Variants in ANKFN1 observed in about 807,000 individuals in gnomAD.
ANKFN1 encodes ankyrin repeat and fibronectin type III domain containing 1.
ANKFN1 carries 74 observed loss-of-function variants against 108.7 expected under a neutral mutation model. That is an observed-to-expected ratio of 0.68 (90% CI 0.56 to 0.83). The LOEUF is 0.83. Among genes scored for constraint, ANKFN1 ranks in the 40% least tolerant of loss-of-function variants. ANKFN1 has a pLI of 0.00. For missense variants in ANKFN1, 1,505 were observed against 1,382.3 expected (o/e 1.09, Z -1.41); for synonymous variants, 547 against 516.2 (o/e 1.06, Z -0.81).
chr17:56,115,944 T>G (rs2143272940), intron 4 of ANKFN1, among the ~76,000 whole-genome samples: 1 of 152,256 alleles, frequency 6.6e-6, no homozygotes, highest in Admixed American at 6.5e-5. Context: ...GCTATCCTAT[T>G]ACATTTTAGA....
chr17:56,059,061 A>G (rs1904927852), intron 4 of ANKFN1, among the ~76,000 whole-genome samples: 1 of 152,158 alleles, frequency 6.6e-6, no homozygotes, highest in African/African-American at 2.4e-5. Context: ...ACAGTGTAAC[A>G]GGGTTCCTAT....
intron 2 of ANKFN1, among the ~76,000 whole-genome samples, chr17:56,215,057 C>T (rs1315122912): frequency 1.3e-5 from 2 of 152,190 alleles, no homozygotes; most frequent in Admixed American, 6.5e-5. Flanking sequence ...TGAAGATTTC[C>T]TGCATGATGC....
intron 8 of ANKFN1, among the ~76,000 whole-genome samples, chr17:56,416,980 T>G (rs2048258502): frequency 1.3e-5 from 2 of 152,094 alleles, no homozygotes; most frequent in South Asian, 4.1e-4. Context: ...TCACATGTTC[T>G]GACTTATTTG....
Position 56,204,495 on chromosome 17 carries a change from C to T in ANKFN1, c.-70-8103C>T, listed in dbSNP as rs540305546. On this transcript the variant is annotated intron_variant, in intron 1 of 20. Transcript: ENST00000682825. ...AGCCGGGATTACAGGCGCCCACTACCACGCCCAGCTAATTTTTGTGTTTTT... is the reference window on the plus strand; with the variant it reads ...AGCCGGGATTACAGGCGCCCACTACTACGCCCAGCTAATTTTTGTGTTTTT... 2.0e-5 allele frequency among the ~76,000 whole-genome samples: 3 copies of T among 151,920 alleles called. No homozygotes were observed. The East Asian group carries it at 5.9e-4, about 30-fold the overall frequency.
chr17:56,256,851 T>A (rs1292856508), intron 3 of ANKFN1, among the ~76,000 whole-genome samples: 1 of 152,204 alleles, frequency 6.6e-6, no homozygotes, highest in Non-Finnish European at 1.5e-5. Context: ...TACCAAATAC[T>A]ACTATCCCCT....
chr17:56,085,527 T>A (rs1220884869), intron 4 of ANKFN1, among the ~76,000 whole-genome samples: 1 of 151,086 alleles, frequency 6.6e-6, no homozygotes, highest in Admixed American at 6.6e-5. Context: ...GACTTCTGGG[T>A]TCCAGAACTG....
chr17:56,315,294 A>T (rs560092477), intron 3 of ANKFN1, among the ~76,000 whole-genome samples: 1 of 152,326 alleles, frequency 6.6e-6, no homozygotes, highest in South Asian at 2.1e-4. Flanking sequence ...TGCAAATGTC[A>T]CAGAAAACTC....
At chr17:56,126,368 T>G (rs753572858) in intron 4 of ANKFN1, among the ~76,000 whole-genome samples, 4 of 152,182 alleles carry the variant, frequency 2.6e-5, no homozygotes, top group Non-Finnish European at 5.9e-5. Flanking sequence ...GAAGGCATGC[T>G]GTCTGCAAAG....
chr17:56,467,828 AAG>A (rs2050173008), intron 15 of ANKFN1, among the ~76,000 whole-genome samples: 2 of 46,572 alleles, frequency 4.3e-5, no homozygotes, highest in African/African-American at 1.2e-4. Context: ...GAAAGAAAGA[AAG>A]AAAGAAAGAA....
At chr17:56,432,468 C>G (rs1236136115) in intron 8 of ANKFN1, among the ~76,000 whole-genome samples, 1 of 152,142 alleles carries the variant, frequency 6.6e-6, no homozygotes, top group Non-Finnish European at 1.5e-5. Flanking sequence ...CATGGTTAGT[C>G]CTGTTCAGGC....
chr17:56,287,377 A>G (rs1021698372), intron 3 of ANKFN1, among the ~76,000 whole-genome samples: 1 of 152,094 alleles, frequency 6.6e-6, no homozygotes, highest in Non-Finnish European at 1.5e-5. Context: ...CCTGACTTTC[A>G]GTTTTCTTAT....
At chr17:56,317,055 A>C (rs1169713846) in intron 3 of ANKFN1, among the ~76,000 whole-genome samples, 1 of 152,220 alleles carries the variant, frequency 6.6e-6, no homozygotes, top group African/African-American at 2.4e-5. Context: ...GAAATATCAG[A>C]CCATATGTCC....
Position 56,365,567 on chromosome 17 carries a change from A to G in ANKFN1, c.602-7079A>G, listed in dbSNP as rs112301674. On this transcript the variant is annotated intron_variant, in intron 6 of 20. Transcript: ENST00000682825. ...CATATGTAAGGGCAGCGCTTGAGCT[A>G]TAGAACCCCAAAGCCCTTTTACCAC... Among the ~76,000 whole-genome samples, 643 of 152,334 alleles carry G rather than the reference A, an allele frequency of 4.2e-3. 2 individuals are homozygous for G. The highest frequency in any genetic ancestry group is 6.4e-3 in the Non-Finnish European group (432 of 68,022).
intron 6 of ANKFN1, among the ~76,000 whole-genome samples, chr17:56,371,388 G>T (rs1391255105): frequency 6.6e-6 from 1 of 152,168 alleles, no homozygotes; most frequent in Non-Finnish European, 1.5e-5. Flanking sequence ...TGTAATTAAT[G>T]CAAACATGCC....
At chr17:56,274,819 T>A (rs1179963709) in intron 3 of ANKFN1, among the ~76,000 whole-genome samples, 1 of 152,196 alleles carries the variant, frequency 6.6e-6, no homozygotes, top group Non-Finnish European at 1.5e-5. Context: ...TGACTCCCAC[T>A]TATTCTGACT....
In ANKFN1 at chr17:56,442,937, G is replaced by T; in HGVS notation, c.1099+4G>T. 1 of 1,613,326 alleles carries T rather than the reference G, an allele frequency of 6.2e-7. No individual in the cohort carries two copies. Among genetic ancestry groups the T allele is most frequent in the Non-Finnish European group, 8.5e-7 (1 of 1,179,530 alleles). ...CCGGCATGTGCCTCTCCTTCTAGTA[G>T]GTGGTGGCTGTGAACTCTCTCCAGC... On this transcript the variant is annotated splice_donor_region_variant and intron_variant, in intron 10 of 20. Coordinates refer to ENST00000682825, the MANE Select transcript of ANKFN1 (RefSeq NM_001370326.1).
chr17:56,232,181 C>T (rs968518250), intron 3 of ANKFN1, among the ~76,000 whole-genome samples: 1 of 152,150 alleles, frequency 6.6e-6, no homozygotes, highest in Non-Finnish European at 1.5e-5. Context: ...TTTCTTCAGC[C>T]ATTCTTCACA....
At chr17:56,237,650 T>A (rs1917253227) in intron 3 of ANKFN1, among the ~76,000 whole-genome samples, 1 of 152,116 alleles carries the variant, frequency 6.6e-6, no homozygotes, top group Admixed American at 6.6e-5. Context: ...TTTCTAATTG[T>A]GTTTATTTGG....
intron 4 of ANKFN1, among the ~76,000 whole-genome samples, chr17:56,121,757 T>A (rs1199180030): frequency 1.3e-5 from 2 of 152,160 alleles, no homozygotes; most frequent in African/African-American, 4.8e-5. Flanking sequence ...ATCATTAACA[T>A]TGGTTATATG....
Sources: allele counts gnomAD v4.1 joint callset (sites outside exome capture counted in the v4.1 genomes callset), GRCh38; gene constraint gnomAD v4.1.1; transcripts MANE v1.5; gene names NCBI Gene and HGNC (gene_info 2026-07-23, HGNC 2026-07-21).